Variants in TIAM1 observed in about 807,000 individuals in gnomAD.
The protein encoded by TIAM1 is rho guanine nucleotide exchange factor TIAM1.
A neutral mutation model predicts 163.5 loss-of-function variants in TIAM1; 65 were observed. The ratio of observed to expected loss-of-function variants is 0.40; its 90% CI spans 0.33 to 0.49. The LOEUF is 0.49. Among genes scored for constraint, TIAM1 ranks in the 20% least tolerant of loss-of-function variants. TIAM1 has a pLI of 0.77. For missense variants in TIAM1, 1,789 were observed against 2,044.7 expected (o/e 0.87, Z 2.41); for synonymous variants, 833 against 810.1 (o/e 1.03, Z -0.48).
At chr21:31,492,144 G>T (rs2046490543) in intron 1 of TIAM1, among the ~76,000 whole-genome samples, 1 of 152,132 alleles carries the variant, frequency 6.6e-6, no homozygotes, top group South Asian at 2.1e-4. Context: ...AGAGGAAAAT[G>T]AATCTCAAGA....
At chr21:31,303,547 A>G (rs1358668635) in intron 2 of TIAM1, among the ~76,000 whole-genome samples, 2 of 152,072 alleles carry the variant, frequency 1.3e-5, no homozygotes, top group Non-Finnish European at 2.9e-5. Flanking sequence ...TATTTAAATA[A>G]CTTTTGAACT....
chr21:31,512,532 A>G (rs1221698616), intron 1 of TIAM1, among the ~76,000 whole-genome samples: 2 of 151,940 alleles, frequency 1.3e-5, no homozygotes, highest in African/African-American at 2.4e-5. Context: ...ATTTAACTCC[A>G]GGGACTAAAT....
chr21:31,496,636 T>C (rs1222177548), intron 1 of TIAM1, among the ~76,000 whole-genome samples: 1 of 152,086 alleles, frequency 6.6e-6, no homozygotes, highest in East Asian at 1.9e-4. Context: ...ATACATTTAG[T>C]GTAGCCTAAG....
intron 9 of TIAM1, among the ~76,000 whole-genome samples, chr21:31,216,299 C>T (rs978967671): frequency 6.6e-6 from 1 of 152,040 alleles, no homozygotes; most frequent in African/African-American, 2.4e-5. Context: ...TGGAACTGTC[C>T]GAGCAAACAA....
rs149894141 is a variant in TIAM1, at chr21:31,301,719, A to T, written c.-188-24811T>A. Among the ~76,000 whole-genome samples, 942 of 152,164 alleles carry T rather than the reference A, an allele frequency of 6.2e-3. 8 individuals are homozygous for T. Among genetic ancestry groups the T allele is most frequent in the African/African-American group, 0.022 (910 of 41,522 alleles). On this transcript the variant is annotated intron_variant, in intron 2 of 27. Transcript: ENST00000541036. ...GCTGGGCATGGTGGCACACAACTGT[A>T]ATCCCAGCTACTCAGGAGGCTAAGG...
rs575444270 is a variant in TIAM1, at chr21:31,501,371, G to A, written c.-421-37336C>T. ...TCTCAGCAAGCCACAGGTCAATCAG[G>A]ATGGAAAGAAGAGAAGGGGGAGAGA... is the stretch of plus-strand genomic sequence containing the variant. On this transcript the variant is annotated intron_variant, in intron 1 of 28. Transcript: ENST00000286827. Among the ~76,000 whole-genome samples, 15 of 152,236 alleles carry A rather than the reference G, an allele frequency of 9.9e-5. No individual in the cohort carries two copies. The South Asian group carries it at 1.0e-3, about 11-fold the overall frequency.
At chr21:31,130,976 T>G in intron 23 of TIAM1, 28 bp from the exon 24 acceptor site, 1 of 1,598,978 alleles carries the variant, frequency 6.3e-7, no homozygotes, top group Middle Eastern at 1.7e-4. Context: ...AAGACAGTTA[T>G]GGTATGTCAT....
intron 1 of TIAM1, among the ~76,000 whole-genome samples, chr21:31,468,202 A>G (rs8130739): frequency 0.7 from 106,936 of 151,916 alleles, 38,350 homozygotes; most frequent in African/African-American, 0.79. Flanking sequence ...TTGGTCACAC[A>G]CAGTGGCTCA....
chr21:31,126,766 G>A (rs1312203533), intron 26 of TIAM1, among the ~76,000 whole-genome samples: 2 of 152,104 alleles, frequency 1.3e-5, no homozygotes, highest in Non-Finnish European at 2.9e-5. Flanking sequence ...AAAAGAGGGT[G>A]GCAGGGTAGA....
intron 5 of TIAM1, among the ~76,000 whole-genome samples, chr21:31,248,491 G>A (rs115235809): frequency 1.2e-3 from 183 of 152,192 alleles, no homozygotes; most frequent in African/African-American, 4.2e-3. Context: ...CATCTTCCCT[G>A]GAACATAATC....
chr21:31,215,253 G>C (rs1569042493), intron 9 of TIAM1, among the ~76,000 whole-genome samples: 1 of 152,044 alleles, frequency 6.6e-6, no homozygotes, highest in Non-Finnish European at 1.5e-5. Context: ...CCATCTCTCA[G>C]GGCAGAAGAC....
At chr21:31,446,759 A>G (rs1197549159) in intron 2 of TIAM1, among the ~76,000 whole-genome samples, 4 of 152,166 alleles carry the variant, frequency 2.6e-5, no homozygotes, top group Non-Finnish European at 4.4e-5. Context: ...AACCCACCAG[A>G]GCGTTTTCGT....
rs571547068 is a variant in TIAM1, at chr21:31,450,833, G to C, written c.-369+13150C>G. Among the ~76,000 whole-genome samples the C allele has an allele frequency of 5.1e-4, 78 of 152,226 alleles. 1 individual carries two copies. The South Asian group carries it at 0.016, about 30-fold the overall frequency. ...TCTCATGAGACTTATTCACTACCAT[G>C]AGAACAGTATGGAGGAAGCCACCTC... On this transcript the variant is annotated intron_variant, in intron 2 of 28. Transcript: ENST00000286827.
At chr21:31,220,492 G>A (rs190575434) in intron 8 of TIAM1, among the ~76,000 whole-genome samples, 17 of 152,144 alleles carry the variant, frequency 1.1e-4, no homozygotes, top group African/African-American at 3.6e-4. Context: ...AGAACTTAAA[G>A]TATAATGTAA....
At chr21:31,393,461 C>T (rs952661888) in intron 2 of TIAM1, among the ~76,000 whole-genome samples, 2 of 152,188 alleles carry the variant, frequency 1.3e-5, no homozygotes, top group Admixed American at 1.3e-4. Context: ...TCTGCCTCTG[C>T]ACCCAGAACA....
chr21:31,509,066 A>G (rs1415580532), intron 1 of TIAM1, among the ~76,000 whole-genome samples: 1 of 152,150 alleles, frequency 6.6e-6, no homozygotes, highest in Non-Finnish European at 1.5e-5. Context: ...TGGGTCATAG[A>G]GCAGGCCACT....
chr21:31,221,167 A>C (rs1224114917), intron 8 of TIAM1, among the ~76,000 whole-genome samples: 1 of 152,184 alleles, frequency 6.6e-6, no homozygotes, highest in Non-Finnish European at 1.5e-5. Context: ...TTCCTAATAA[A>C]TCAGACTGCA....
intron 2 of TIAM1, among the ~76,000 whole-genome samples, chr21:31,391,017 T>G (rs566914978): frequency 6.6e-6 from 1 of 152,254 alleles, no homozygotes; most frequent in Non-Finnish European, 1.5e-5. Flanking sequence ...TTCTAGATGA[T>G]ACCAGGGCAC....
intron 8 of TIAM1, 93 bp downstream of exon 8, chr21:31,223,313 G>A: frequency 7.3e-7 from 1 of 1,378,020 alleles, no homozygotes; most frequent in Non-Finnish European, 9.8e-7. Context: ...ACAGCAGGAA[G>A]CTCGAAAAAC....
Sources: allele counts gnomAD v4.1 joint callset (sites outside exome capture counted in the v4.1 genomes callset), GRCh38; gene constraint gnomAD v4.1.1; transcripts MANE v1.5; gene names NCBI Gene and HGNC (gene_info 2026-07-23, HGNC 2026-07-21).